FHOD3: variants seen among roughly 807,000 people sequenced by gnomAD.
FHOD3 encodes formin homology 2 domain containing 3, also known as FH1/FH2 domain-containing protein 3.
In FHOD3, 90 loss-of-function variants were observed where a neutral mutation model predicts 173.0. The observed-to-expected ratio is 0.52, with a 90% CI of 0.44 to 0.62. The LOEUF (loss-of-function observed/expected upper bound fraction) is 0.62, where lower values mean the gene tolerates loss of function less well. FHOD3 is among the 20% of genes least tolerant of loss of function. FHOD3 has a pLI of 0.00. For synonymous variants in FHOD3, 828 were observed against 823.0 expected (o/e 1.01, Z -0.10); for missense variants, 1,945 against 2,034.7 (o/e 0.96, Z 0.85).
intron 24 of FHOD3, among the ~76,000 whole-genome samples, chr18:36,749,129 A>G (rs904092475): frequency 2.0e-5 from 3 of 152,192 alleles, no homozygotes; most frequent in African/African-American, 7.2e-5. Flanking sequence ...CTACTTTTTG[A>G]AACTGTTTCC....
chr18:36,629,457 T>C (rs2148841601), intron 10 of FHOD3, among the ~76,000 whole-genome samples: 1 of 152,356 alleles, frequency 6.6e-6, no homozygotes, highest in South Asian at 2.1e-4. Context: ...GTAGGCCAGA[T>C]GTAGCCCACA....
chr18:36,471,705 C>A (rs947675943), intron 3 of FHOD3, among the ~76,000 whole-genome samples: 1 of 152,178 alleles, frequency 6.6e-6, no homozygotes, highest in Admixed American at 6.5e-5. Context: ...GGGAAAATGA[C>A]CCTGTTTAAA....
At chr18:36,524,797 C>A (rs1400753644) in intron 5 of FHOD3, among the ~76,000 whole-genome samples, 1 of 152,084 alleles carries the variant, frequency 6.6e-6, no homozygotes, top group Non-Finnish European at 1.5e-5. Context: ...CCTGATTTTT[C>A]TATGGTTGGG....
intron 3 of FHOD3, among the ~76,000 whole-genome samples, chr18:36,461,718 T>TTA (rs2052569114): frequency 6.6e-6 from 1 of 152,196 alleles, no homozygotes; most frequent in Admixed American, 6.5e-5. Flanking sequence ...AGTAACTAAC[T>TTA]TACCAATAAA....
At chr18:36,688,258 T>A (rs2149461133) in intron 16 of FHOD3, among the ~76,000 whole-genome samples, 1 of 152,348 alleles carries the variant, frequency 6.6e-6, no homozygotes, top group East Asian at 1.9e-4. Flanking sequence ...AAGACTGCTT[T>A]TAACACCTTT....
intron 17 of FHOD3, among the ~76,000 whole-genome samples, chr18:36,696,078 C>T (rs1000050450): frequency 6.6e-6 from 1 of 152,130 alleles, no homozygotes; most frequent in African/African-American, 2.4e-5. Flanking sequence ...TAGTGCTGTG[C>T]CCCTTTTTCC....
At chr18:36,748,288 G>T (rs2042237630) in intron 24 of FHOD3, among the ~76,000 whole-genome samples, 1 of 151,516 alleles carries the variant, frequency 6.6e-6, no homozygotes, top group Non-Finnish European at 1.5e-5. Context: ...AATCAAAGAG[G>T]CAGGGAATGT....
chr18:36,625,690 T>A lies in FHOD3; in HGVS notation c.1137T>A (p.Ser379Arg), dbSNP rs201622588. 8.7e-6 allele frequency: 14 copies of A among 1,610,960 alleles called. No homozygotes were observed. Among genetic ancestry groups the A allele is most frequent in the Non-Finnish European group, 1.2e-5 (14 of 1,178,256 alleles). Reference sequence around the variant, plus strand: ...AGAGCACCCTGTCGGCCCCCACCAGTCCCTGCTCCCAGTCAGCTCCCAGCT... The same window carrying A: ...AGAGCACCCTGTCGGCCCCCACCAGACCCTGCTCCCAGTCAGCTCCCAGCT... ...SIKSTLSAPT[S>R]PCSQSAPSFK... Residue 379 changes from serine (S) to arginine (R), a missense_variant, in exon 10 of 29, where the codon AGT becomes AGA. This residue lies in a region of FHOD3 where 1,099 missense variants were observed against 1,051.2 expected (regional missense o/e 1.05). Transcript: ENST00000590592.
chr18:36,724,972 C>T (rs1022971286), intron 19 of FHOD3, among the ~76,000 whole-genome samples: 1 of 152,240 alleles, frequency 6.6e-6, no homozygotes, highest in Admixed American at 6.5e-5. Context: ...CCTCTCTTTC[C>T]TTGAGCACTT....
intron 4 of FHOD3, among the ~76,000 whole-genome samples, chr18:36,507,096 T>C (rs2055348071): frequency 6.6e-6 from 1 of 150,918 alleles, no homozygotes. Flanking sequence ...AAATGGCATG[T>C]CATGTTTTTT....
chr18:36,316,338 C>T (rs1394703897), intron 1 of FHOD3, among the ~76,000 whole-genome samples: 2 of 152,122 alleles, frequency 1.3e-5, no homozygotes, highest in African/African-American at 4.8e-5. Flanking sequence ...GCTTCTGCCT[C>T]CTGGGGTGTG....
chr18:36,605,077 C>T lies in FHOD3; in HGVS notation c.813+2309C>T, dbSNP rs147545816. On this transcript the variant is annotated intron_variant, in intron 8 of 28. Coordinates refer to ENST00000590592, the MANE Select transcript of FHOD3 (RefSeq NM_001281740.3). Reference sequence around the variant, plus strand: ...GGAAATGGGCACAACTTTTCTGAAACATAATCCTAAGAATTCTGCTTTTAT... The same window carrying T: ...GGAAATGGGCACAACTTTTCTGAAATATAATCCTAAGAATTCTGCTTTTAT... 1.1e-4 allele frequency among the ~76,000 whole-genome samples: 16 copies of T among 152,338 alleles called. No homozygotes were observed. In the East Asian group the frequency reaches 3.1e-3, roughly 29 times the overall value.
intron 3 of FHOD3, among the ~76,000 whole-genome samples, chr18:36,381,369 G>A (rs1303451559): frequency 1.3e-5 from 2 of 152,176 alleles, no homozygotes; most frequent in South Asian, 2.1e-4. Flanking sequence ...ATGGAGCTGG[G>A]GCTTCCACAT....
chr18:36,525,325 A>G (rs542773044), intron 5 of FHOD3, among the ~76,000 whole-genome samples: 2 of 152,196 alleles, frequency 1.3e-5, no homozygotes, highest in Non-Finnish European at 2.9e-5. Context: ...GCAAGTTGCC[A>G]TGAGTTCTAC....
intron 3 of FHOD3, among the ~76,000 whole-genome samples, chr18:36,477,544 CACCTACCTACCTACCTACCT>C (rs61272960): frequency 2.5e-4 from 16 of 63,522 alleles, no homozygotes; most frequent in African/African-American, 6.8e-4. Flanking sequence ...CCCACCCACC[CACCTACCTACCTACCTACCT>C]ACCTACCTAC....
intron 3 of FHOD3, among the ~76,000 whole-genome samples, chr18:36,466,476 A>G (rs1347149946): frequency 6.6e-6 from 1 of 152,212 alleles, no homozygotes; most frequent in African/African-American, 2.4e-5. Context: ...AGTTACAGGC[A>G]AAATCATAAA....
chr18:36,404,549 T>C (rs1028288287), intron 3 of FHOD3, among the ~76,000 whole-genome samples: 1 of 152,204 alleles, frequency 6.6e-6, no homozygotes, highest in Non-Finnish European at 1.5e-5. Context: ...GGGCAGATTT[T>C]CAAATGCCAG....
At chr18:36,299,899 C>A (rs1369676112) in intron 1 of FHOD3, among the ~76,000 whole-genome samples, 2 of 152,212 alleles carry the variant, frequency 1.3e-5, no homozygotes, top group African/African-American at 4.8e-5. Context: ...GCAGAGTGAG[C>A]AACCGACTTT....
intron 6 of FHOD3, among the ~76,000 whole-genome samples, chr18:36,577,201 C>G (rs1014153181): frequency 1.3e-5 from 2 of 152,036 alleles, no homozygotes; most frequent in African/African-American, 4.8e-5. Flanking sequence ...ATGCATATTC[C>G]TATATGGATA....
Sources: gnomAD v4.1 joint callset for allele counts (sites outside exome capture counted in the v4.1 genomes callset) on GRCh38, gnomAD v4.1.1 for gene constraint, gnomAD v4.1.1 regional missense constraint, MANE v1.5 for transcripts, NCBI Gene and HGNC (gene_info 2026-07-23, HGNC 2026-07-21) for gene names.